The following KDF1 variants were observed in gnomAD, a reference collection of about 807,000 sequenced individuals.
KDF1 encodes RP11-344H11.3.
Under a neutral mutation model 31.6 loss-of-function variants are expected in KDF1, and 11 were observed. The ratio of observed to expected loss-of-function variants is 0.35; its 90% confidence interval spans 0.22 to 0.58. The LOEUF is 0.58. KDF1 is among the 20% of genes least tolerant of loss of function. KDF1 has a pLI of 0.83. For synonymous variants in KDF1, 205 were observed against 214.4 expected (o/e 0.96, Z 0.38); for missense variants, 476 against 549.1 (o/e 0.87, Z 1.33).
Position 26,950,385 on chromosome 1 carries a change from G to A in KDF1, c.1115-234C>T, listed in dbSNP as rs11576397. 3.9e-5 allele frequency among the ~76,000 whole-genome samples: 6 copies of A among 152,180 alleles called. No homozygotes were observed. The highest frequency in any genetic ancestry group is 7.2e-5 in the African/African-American group (3 of 41,438). ...GGTTGTTGTCAAGGGCAAGAAGACC[G>A]CAACAGAACCACACGGGTGTCTTTC... On this transcript the variant is annotated intron_variant, in intron 3 of 3. Coordinates refer to ENST00000320567, the MANE Select transcript of KDF1 (RefSeq NM_152365.3). The surrounding 1 kb of genome is among the most constrained non-coding windows in gnomAD (Gnocchi z 4.0).
At chr1:26,958,926 T>C (rs555856137) in intron 1 of KDF1, among the ~76,000 whole-genome samples, 39 of 152,320 alleles carry the variant, frequency 2.6e-4, no homozygotes, top group African/African-American at 9.1e-4. Context: ...GGACTCTCTA[T>C]TATTGATTAA....
Position 26,952,355 on chromosome 1 carries a change from G to C in KDF1, c.26C>G (p.Pro9Arg). 6.6e-7 allele frequency: 1 copy of C among 1,513,930 alleles called. No homozygotes were observed. Among genetic ancestry groups the C allele is most frequent in the African/African-American group, 1.4e-5 (1 of 71,918 alleles). 93.8% of individuals were successfully genotyped at this position (1,513,930 alleles called of 1,614,324 possible). A position where few individuals can be genotyped will look rare whatever the true frequency, so the allele number is the denominator to read the frequency against. The part of the protein sequence containing the change: MPRPGHPR[P>R]ASGPPRLGPW... ...TCCCAAGCGTGGAGGCCCAGATGCT[G>C]GGCGGGGGTGTCCAGGGCGGGGCAT... Residue 9 changes from proline (P) to arginine (R), a missense_variant, in exon 2 of 4, where the codon CCA becomes CGA. Pro to Arg is a moderately radical substitution (Grantham distance 103). Transcript: ENST00000320567. This position sits in a 1 kb window ranked among gnomAD's most constrained non-coding sequence, Gnocchi z 4.1.
intron 1 of KDF1, among the ~76,000 whole-genome samples, chr1:26,954,569 A>G (rs2082367987): frequency 6.6e-6 from 1 of 151,332 alleles, no homozygotes; most frequent in African/African-American, 2.4e-5. Context: ...GCAGTGGCTA[A>G]TGCCTGTAAT....
rs150201940 is a variant in KDF1 at position 26,957,811 on chromosome 1, T to TTTA, written c.-33+2536_-33+2538dup. Among the ~76,000 whole-genome samples, 266 of 151,608 alleles carry TTTA rather than the reference T, an allele frequency of 1.8e-3. 1 individual carries two copies. Among genetic ancestry groups the TTTA allele is most frequent in the African/African-American group, 3.9e-3 (163 of 41,372 alleles). ...GGCCCACTGTGTGCCACATGCTGGA[T>TTTA]TTATTATTATTATTATTATTATTTG... On this transcript the variant is annotated intron_variant, in intron 1 of 3. Coordinates refer to ENST00000320567, the MANE Select transcript of KDF1 (RefSeq NM_152365.3).
Position 26,950,147 on chromosome 1 carries a change from G to A in KDF1, c.1119C>T (p.Tyr373=). The change falls in exon 4 of 4, where the codon TAC becomes TAT. Residue 373 remains tyrosine (Y), a synonymous_variant. Transcript: ENST00000320567. This position sits in a 1 kb window ranked among gnomAD's most constrained non-coding sequence, Gnocchi z 4.0. Reference sequence around the variant, plus strand: ...GGAAGGATGAGTCATGGCTTGCTGGGTACCCTGGTAGGAAGGAGAGGAGAG... The same window carrying A: ...GGAAGGATGAGTCATGGCTTGCTGGATACCCTGGTAGGAAGGAGAGGAGAG... ...RKLRPYGAPG[Y]PASHDSSFQG... The A allele has an allele frequency of 6.2e-7, 1 of 1,613,490 alleles. No homozygotes were observed. Among genetic ancestry groups the A allele is most frequent in the Non-Finnish European group, 8.5e-7 (1 of 1,179,516 alleles).
At chr1:26,958,342 G>C (rs953225456) in intron 1 of KDF1, among the ~76,000 whole-genome samples, 1 of 151,488 alleles carries the variant, frequency 6.6e-6, no homozygotes, top group African/African-American at 2.4e-5. Flanking sequence ...CACCATGTTA[G>C]TCAGGATGGT....
intron 1 of KDF1, among the ~76,000 whole-genome samples, chr1:26,957,095 TTTTTG>T (rs1029140367): frequency 6.6e-6 from 1 of 151,980 alleles, no homozygotes; most frequent in Non-Finnish European, 1.5e-5. Context: ...CCCCACTAGT[TTTTTG>T]TTTTGTTTTG....
At chr1:26,957,324 C>T (rs2124164093) in intron 1 of KDF1, among the ~76,000 whole-genome samples, 1 of 152,296 alleles carries the variant, frequency 6.6e-6, no homozygotes, top group Non-Finnish European at 1.5e-5. Context: ...CTTCTGGAAC[C>T]ACTAGTCAGA....
rs1305120866 is a variant in KDF1 at position 26,951,389 on chromosome 1, G to C, written c.992C>G (p.Pro331Arg). The C allele has an allele frequency of 1.9e-6, 3 of 1,606,578 alleles. No homozygotes were observed. The highest frequency in any genetic ancestry group is 2.6e-6 in the Non-Finnish European group (3 of 1,175,586). Residue 331 changes from proline to arginine, a missense_variant, in exon 2 of 4, where the codon CCT becomes CGT. This residue lies in a region of KDF1 where 146 missense variants were observed against 216.8 expected (regional missense o/e 0.67). Transcript: ENST00000320567. The surrounding 1 kb of genome is among the most constrained non-coding windows in gnomAD (Gnocchi z 5.4). Reference sequence around the variant, plus strand: ...CACCATGGTCTCATGGCCACTGTCAGGGGCAGCAGCGGTTGGGGCAGCAGC... The same window carrying C: ...CACCATGGTCTCATGGCCACTGTCACGGGCAGCAGCGGTTGGGGCAGCAGC... ...TRAAAPTAAA[P>R]DSGHETMVGS...
rs1440687791 is a variant in KDF1, at chr1:26,950,453, C to T, written c.1114+229G>A. On this transcript the variant is annotated intron_variant, in intron 3 of 3. Transcript: ENST00000320567. The surrounding 1 kb of genome is among the most constrained non-coding windows in gnomAD (Gnocchi z 4.0). ...GCTCCCCACCCACTACTTTCCTAGT[C>T]ATCTGGGCTTGAAGGTTGGGGTCTG... 6.6e-6 allele frequency among the ~76,000 whole-genome samples: 1 copy of T among 152,208 alleles called. No homozygotes were observed. Among genetic ancestry groups the T allele is most frequent in the Non-Finnish European group, 1.5e-5 (1 of 68,028 alleles).
chr1:26,950,359 G>A lies in KDF1; in HGVS notation c.1115-208C>T, dbSNP rs1046375566. ...AAAGGATAATGATTCCACTCCCAGG[G>A]GGTTGTTGTCAAGGGCAAGAAGACC... is the stretch of plus-strand genomic sequence containing the variant. On this transcript the variant is annotated intron_variant, in intron 3 of 3. Transcript: ENST00000320567. This position sits in a 1 kb window ranked among gnomAD's most constrained non-coding sequence, Gnocchi z 4.0. Among the ~76,000 whole-genome samples the A allele has an allele frequency of 6.6e-6, 1 of 152,178 alleles. No individual in the cohort carries two copies. Among genetic ancestry groups the A allele is most frequent in the African/African-American group, 2.4e-5 (1 of 41,446 alleles).
Position 26,951,296 on chromosome 1 carries a change from G to A in KDF1, c.1039+46C>T, listed in dbSNP as rs746074242. ...CCCCATTCCAACCCTCCCCTGGCCA[G>A]AGCCTCCCCTACTCTGCCCCTCAGC... On this transcript the variant is annotated intron_variant, in intron 2 of 3. Coordinates refer to ENST00000320567, the MANE Select transcript of KDF1 (RefSeq NM_152365.3). The surrounding 1 kb of genome is among the most constrained non-coding windows in gnomAD (Gnocchi z 5.4). The A allele has an allele frequency of 1.3e-5, 19 of 1,466,786 alleles. No individual in the cohort carries two copies. Among genetic ancestry groups the A allele is most frequent in the Non-Finnish European group, 1.6e-5 (18 of 1,102,348 alleles). 90.9% of individuals were successfully genotyped at this position (1,466,786 alleles called of 1,614,324 possible). A position where few individuals can be genotyped will look rare whatever the true frequency, so the allele number is the denominator to read the frequency against.
intron 1 of KDF1, among the ~76,000 whole-genome samples, chr1:26,958,618 C>T (rs1188116531): frequency 6.6e-6 from 1 of 152,216 alleles, no homozygotes; most frequent in Non-Finnish European, 1.5e-5. Flanking sequence ...TACTAAAGCA[C>T]AGACAGGTTA....
At chr1:26,954,981 C>T (rs2082370566) in intron 1 of KDF1, among the ~76,000 whole-genome samples, 2 of 151,258 alleles carry the variant, frequency 1.3e-5, no homozygotes, top group East Asian at 2.0e-4. Context: ...GCCTCAGCCT[C>T]GGAGTAGCTG....
intron 1 of KDF1, among the ~76,000 whole-genome samples, chr1:26,957,009 C>T (rs1188700989): frequency 1.3e-5 from 2 of 152,150 alleles, no homozygotes; most frequent in Non-Finnish European, 2.9e-5. Context: ...TCAATGAAGC[C>T]TCAAACAACA....
Position 26,951,440 on chromosome 1 carries a change from T to C in KDF1, c.941A>G (p.Gln314Arg), listed in dbSNP as rs2082348004. The C allele has an allele frequency of 5.6e-6, 9 of 1,613,714 alleles. No homozygotes were observed. The highest frequency in any genetic ancestry group is 7.6e-6 in the Non-Finnish European group (9 of 1,179,802). Residue 314 changes from glutamine to arginine, a missense_variant, in exon 2 of 4, where the codon CAG (glutamine) becomes CGG (arginine). By Grantham distance (43) the Gln-to-Arg change is conservative. Around this residue, in one of 2 missense-constraint regions of KDF1, gnomAD observed 146 missense variants for 216.8 expected, o/e 0.67. Transcript: ENST00000320567. The surrounding 1 kb of genome is among the most constrained non-coding windows in gnomAD (Gnocchi z 5.4). ...ISTRKSRARPQTSEGRSTRAA... is the reference protein window; with the variant it reads ...ISTRKSRARPRTSEGRSTRAA... ...CCGAGTTGAACGACCCTCCGAGGTC[T>C]GTGGGCGAGCACGGCTCTTTCGGGT... is the stretch of plus-strand genomic sequence containing the variant.
chr1:26,949,827 G>A lies in KDF1; in HGVS notation c.*242C>T, dbSNP rs947258121. On this transcript the variant is annotated 3_prime_UTR_variant, in exon 4 of 4. Transcript: ENST00000320567. ...ACTTTCCATGATCAGGCCACCTGAA[G>A]ACCATGAGCAGGAAGGAAGGGGCCC... is the stretch of plus-strand genomic sequence containing the variant. The A allele has an allele frequency of 4.2e-5, 20 of 474,116 alleles. No homozygotes were observed. The highest frequency in any genetic ancestry group is 3.8e-4 in the African/African-American group (19 of 50,578). The allele number at this position is 474,116 out of a possible 1,614,324, so 29.4% of individuals were successfully genotyped here.
rs556637165 is a variant in KDF1 at position 26,954,858 on chromosome 1, A to G, written c.-32-2446T>C. 2.1e-5 allele frequency among the ~76,000 whole-genome samples: 3 copies of G among 143,526 alleles called. No homozygotes were observed. In the East Asian group the frequency reaches 6.4e-4, roughly 31 times the overall value. 94.2% of individuals were successfully genotyped at this position (143,526 alleles called of 152,430 possible). ...CTCAAAAAAAAAAAAAAAGTTAATA[A>G]GTTACCTTTTTTTTTTTTGAGATGG... On this transcript the variant is annotated intron_variant, in intron 1 of 3. Coordinates refer to ENST00000320567, the MANE Select transcript of KDF1 (RefSeq NM_152365.3).
rs555201897 is a variant in KDF1 at position 26,949,589 on chromosome 1, A to G, written c.*480T>C. ...ACCTTTGTACTTACAAACTGTGGTCATGTTAAGATACAGAACATCAGCCAA... is the reference window on the plus strand; with the variant it reads ...ACCTTTGTACTTACAAACTGTGGTCGTGTTAAGATACAGAACATCAGCCAA... On this transcript the variant is annotated 3_prime_UTR_variant, in exon 4 of 4. Coordinates refer to ENST00000320567, the MANE Select transcript of KDF1 (RefSeq NM_152365.3). 38 of 160,706 alleles carry G rather than the reference A, an allele frequency of 2.4e-4. No individual in the cohort carries two copies. The highest frequency in any genetic ancestry group is 4.4e-4 in the Non-Finnish European group (32 of 73,302). 10.0% of individuals were successfully genotyped at this position (160,706 alleles called of 1,614,324 possible).
Sources: allele counts gnomAD v4.1 joint callset (sites outside exome capture counted in the v4.1 genomes callset), GRCh38; gene constraint gnomAD v4.1.1; regional missense constraint gnomAD v4.1.1; non-coding constraint Gnocchi (gnomAD v3.1); transcripts MANE v1.5; gene names NCBI Gene and HGNC (gene_info 2026-07-23, HGNC 2026-07-21).